ZFHX3: variants seen among roughly 807,000 people sequenced by gnomAD.
ZFHX3 encodes the protein zinc finger homeobox protein 3.
In ZFHX3, 42 loss-of-function variants were observed where a neutral mutation model predicts 279.1. That is an observed-to-expected ratio of 0.15 (90% CI 0.12 to 0.19). The LOEUF is 0.19. ZFHX3 is among the 10% of genes least tolerant of loss of function. The probability of loss-of-function intolerance (pLI) is 1.00; values close to 1 mark genes in which losing one functional copy is unlikely to be tolerated. For missense variants in ZFHX3, 4,981 were observed against 4,754.0 expected (o/e 1.05, Z -1.40); for synonymous variants, 2,293 against 1,957.8 (o/e 1.17, Z -4.52).
chr16:73,165,650 T>C (rs1967347299), intron 5 of ZFHX3, among the ~76,000 whole-genome samples: 1 of 152,214 alleles, frequency 6.6e-6, no homozygotes, highest in South Asian at 2.1e-4. Context: ...GGCAAATCGC[T>C]GGAGTCTTTT....
chr16:73,147,317 C>A (rs747463573), intron 5 of ZFHX3, among the ~76,000 whole-genome samples: 12 of 152,200 alleles, frequency 7.9e-5, no homozygotes, highest in Non-Finnish European at 4.4e-5. Context: ...CAAAACACAG[C>A]AGTTTCCTTT....
At chr16:72,930,497 A>C (rs1959728644) in intron 3 of ZFHX3, among the ~76,000 whole-genome samples, 1 of 152,198 alleles carries the variant, frequency 6.6e-6, no homozygotes, top group East Asian at 1.9e-4. Context: ...AGTGCAAAGT[A>C]TCTCGAGGCC....
rs527501774 is a variant in ZFHX3, at chr16:73,639,692, G to C, written c.-1547+40488C>G. On this transcript the variant is annotated intron_variant, in intron 2 of 17. Transcript: ENST00000641206. ...CCTCATAGACTTCCAGTTAAACATG[G>C]TAGATTGAACATGTGTTTATCTCTT... Among the ~76,000 whole-genome samples, 23 of 152,078 alleles carry C rather than the reference G, an allele frequency of 1.5e-4. No individual in the cohort carries two copies. The South Asian group carries it at 4.6e-3, about 30-fold the overall frequency.
chr16:72,938,680 A>C lies in ZFHX3; in HGVS notation c.3216+11789T>G, dbSNP rs1323523696. Among the ~76,000 whole-genome samples the C allele has an allele frequency of 2.0e-5, 3 of 152,228 alleles. No homozygotes were observed. The East Asian group carries it at 5.8e-4, about 29-fold the overall frequency. ...GAGTTTTGGATAACCCCAAAGCACT[A>C]AACACTCAGAGACATGAATTAGGGC... is the stretch of plus-strand genomic sequence containing the variant. On this transcript the variant is annotated intron_variant, in intron 3 of 9. Coordinates refer to ENST00000268489, the MANE Select transcript of ZFHX3 (RefSeq NM_006885.4).
rs200373555 is a variant in ZFHX3 at position 72,785,476 on chromosome 16, C to A, written c.*1688G>T. 1 of 152,624 alleles carries A rather than the reference C, an allele frequency of 6.6e-6. No homozygotes were observed. Among genetic ancestry groups the A allele is most frequent in the Admixed American group, 6.5e-5 (1 of 15,280 alleles). 9.5% of individuals were successfully genotyped at this position (152,624 alleles called of 1,614,324 possible). A position where few individuals can be genotyped will look rare whatever the true frequency, so the allele number is the denominator to read the frequency against. ...TGCCTCTCTGCTTGCAGAAGAAGCACATAACAACCTGGGAATCTTTTGTTT... is the reference window on the plus strand; with the variant it reads ...TGCCTCTCTGCTTGCAGAAGAAGCAAATAACAACCTGGGAATCTTTTGTTT... On this transcript the variant is annotated 3_prime_UTR_variant, in exon 10 of 10. Coordinates refer to ENST00000268489, the MANE Select transcript of ZFHX3 (RefSeq NM_006885.4).
At chr16:72,941,094 A>G (rs528637036) in intron 3 of ZFHX3, among the ~76,000 whole-genome samples, 2 of 152,358 alleles carry the variant, frequency 1.3e-5, no homozygotes, top group East Asian at 3.9e-4. Flanking sequence ...ACATCTGGCC[A>G]AGTTGCTGGT....
At chr16:73,887,701 T>C (rs2030392890) in intron 1 of ZFHX3, among the ~76,000 whole-genome samples, 1 of 151,902 alleles carries the variant, frequency 6.6e-6, no homozygotes, top group African/African-American at 2.4e-5. Flanking sequence ...AACTAATAAA[T>C]AGTAATAATA....
intron 5 of ZFHX3, among the ~76,000 whole-genome samples, chr16:73,238,597 C>T (rs535459688): frequency 6.6e-6 from 1 of 152,280 alleles, no homozygotes; most frequent in South Asian, 2.1e-4. Context: ...CCCACAATGC[C>T]TTCTCTGTAC....
intron 4 of ZFHX3, among the ~76,000 whole-genome samples, chr16:73,305,587 G>A (rs1417648428): frequency 2.0e-5 from 3 of 151,740 alleles, no homozygotes; most frequent in South Asian, 2.1e-4. Context: ...ACATGGCCGT[G>A]TGCATTTTCC....
At chr16:73,440,062 G>C (rs2018063254) in intron 3 of ZFHX3, among the ~76,000 whole-genome samples, 1 of 151,978 alleles carries the variant, frequency 6.6e-6, no homozygotes, top group Non-Finnish European at 1.5e-5. Context: ...TGGGAACTAA[G>C]TGAGGGTTCA....
At chr16:72,856,158 G>T (rs547194809) in intron 4 of ZFHX3, among the ~76,000 whole-genome samples, 4 of 152,208 alleles carry the variant, frequency 2.6e-5, no homozygotes, top group African/African-American at 9.6e-5. Flanking sequence ...TGCTATGAAG[G>T]GGGGAAAGAA....
At chr16:73,615,184 G>T (rs186634562) in intron 2 of ZFHX3, among the ~76,000 whole-genome samples, 1 of 151,752 alleles carries the variant, frequency 6.6e-6, no homozygotes, top group South Asian at 2.1e-4. Flanking sequence ...GGGGCCCCGG[G>T]CAGGAGTTTA....
chr16:73,172,988 G>GTTTTTCT (rs1967570643), intron 5 of ZFHX3, among the ~76,000 whole-genome samples: 1 of 46,170 alleles, frequency 2.2e-5, no homozygotes, highest in African/African-American at 1.2e-4. Flanking sequence ...TGATGGGACT[G>GTTTTTCT]TTTTTTTGTT....
At chr16:73,790,371 A>G (rs987216523) in intron 1 of ZFHX3, among the ~76,000 whole-genome samples, 3 of 152,032 alleles carry the variant, frequency 2.0e-5, no homozygotes, top group Non-Finnish European at 2.9e-5. Context: ...TGCATCTGCA[A>G]TTTACACATT....
At position 72,950,995 on chromosome 16, in the gene ZFHX3, G is replaced by A. The variant is rs373957548; in HGVS notation, c.2720-30C>T. On this transcript the variant is annotated intron_variant, in intron 2 of 9. Transcript: ENST00000268489. ...AGGGAAGGAGAGAAGGAGAGAGTCAGACACCAGGCTCATGGTCACGGCCAC... is the reference window on the plus strand; with the variant it reads ...AGGGAAGGAGAGAAGGAGAGAGTCAAACACCAGGCTCATGGTCACGGCCAC... 3.6e-5 allele frequency: 58 copies of A among 1,595,554 alleles called. No individual in the cohort carries two copies. In the Middle Eastern group the frequency reaches 5.1e-4, roughly 14 times the overall value.
intron 2 of ZFHX3, among the ~76,000 whole-genome samples, chr16:73,583,908 A>G (rs2051888528): frequency 6.6e-6 from 1 of 152,234 alleles, no homozygotes; most frequent in African/African-American, 2.4e-5. Flanking sequence ...ACACTATATA[A>G]GAAATAATAA....
intron 5 of ZFHX3, among the ~76,000 whole-genome samples, chr16:73,192,015 G>A (rs990334059): frequency 4.7e-4 from 72 of 152,304 alleles, no homozygotes; most frequent in African/African-American, 1.6e-3. Context: ...CAGCTCAGTC[G>A]CCCTACTTGG....
At chr16:73,563,063 G>T (rs2020395036) in intron 2 of ZFHX3, among the ~76,000 whole-genome samples, 1 of 152,042 alleles carries the variant, frequency 6.6e-6, no homozygotes, top group Admixed American at 6.6e-5. Flanking sequence ...GCAGTACCCA[G>T]GGTCTTTACA....
At chr16:72,929,844 G>A (rs1959690664) in intron 3 of ZFHX3, among the ~76,000 whole-genome samples, 1 of 152,220 alleles carries the variant, frequency 6.6e-6, no homozygotes, top group Non-Finnish European at 1.5e-5. Flanking sequence ...ATGCTGAACC[G>A]AATGCAGTCA....
Sources: allele counts gnomAD v4.1 joint callset (sites outside exome capture counted in the v4.1 genomes callset), GRCh38; gene constraint gnomAD v4.1.1; transcripts MANE v1.5; gene names NCBI Gene and HGNC (gene_info 2026-07-23, HGNC 2026-07-21).